C6: variants seen among roughly 807,000 people sequenced by gnomAD.
The protein encoded by C6 is complement C6, also known as complement component C6.
In C6, 101 loss-of-function variants were observed where a neutral mutation model predicts 112.9. The observed-to-expected ratio is 0.89, with a 90% CI of 0.76 to 1.06. The LOEUF is 1.06. Ranked by LOEUF, C6 falls within the 50% of genes least tolerant of loss-of-function variation. The pLI, the probability that C6 is intolerant of heterozygous loss-of-function variation, is 0.00. For synonymous variants in C6, 431 were observed against 384.1 expected, an observed-to-expected ratio of 1.12 and a Z score of -1.43; for missense variants, 1,202 against 1,104.6, an observed-to-expected ratio of 1.09 and a Z score of -1.25.
chr5:41,162,588 A>T (rs1341334432), intron 9 of C6, among the ~76,000 whole-genome samples: 5 of 152,194 alleles, frequency 3.3e-5, no homozygotes, highest in Non-Finnish European at 7.3e-5. Flanking sequence ...ACTAACAGGG[A>T]TAGAGACTGA....
chr5:41,193,672 C>A (rs555778145), intron 5 of C6, among the ~76,000 whole-genome samples: 6 of 151,926 alleles, frequency 3.9e-5, no homozygotes, highest in Non-Finnish European at 8.8e-5. Flanking sequence ...GCTATTATTG[C>A]CTGATTCTTG....
At chr5:41,259,428 T>C (rs1264817258) in intron 1 of C6, among the ~76,000 whole-genome samples, 1 of 152,072 alleles carries the variant, frequency 6.6e-6, no homozygotes, top group African/African-American at 2.4e-5. Context: ...TTGACAAATG[T>C]TAATTTCAAT....
upstream of C6, among the ~76,000 whole-genome samples, chr5:41,214,173 A>G (rs987255834): frequency 2.0e-5 from 3 of 152,228 alleles, no homozygotes; most frequent in Non-Finnish European, 4.4e-5. Context: ...TACATATTCT[A>G]GTCTTGTTTC....
chr5:41,220,872 A>G (rs1346296475), intron 1 of C6, among the ~76,000 whole-genome samples: 1 of 152,046 alleles, frequency 6.6e-6, no homozygotes, highest in Non-Finnish European at 1.5e-5. Flanking sequence ...CCCTGACCCA[A>G]TAGGCCCCAA....
At chr5:41,186,845 G>A (rs899728658) in intron 5 of C6, among the ~76,000 whole-genome samples, 4 of 151,996 alleles carry the variant, frequency 2.6e-5, no homozygotes, top group Admixed American at 2.0e-4. Context: ...TTTTACAAAT[G>A]AGGACATTGA....
chr5:41,161,727 G>T lies in C6; in HGVS notation c.1424C>A (p.Ser475Ter). 1 of 1,613,496 alleles carries T rather than the reference G, an allele frequency of 6.2e-7. No homozygotes were observed. Among genetic ancestry groups the T allele is most frequent in the South Asian group, 1.1e-5 (1 of 91,064 alleles). Residue 475 changes from serine (S) to a stop codon, truncating the protein, a stop_gained, in exon 10 of 18, where the codon TCA (serine) becomes TAA (stop). Transcript: ENST00000337836. LOFTEE classifies it high-confidence loss of function. ...EEKTFSEWLESVKENPAVIDF... is the reference protein window; with the variant it reads ...EEKTFSEWLE ...AATCACAGCAGGATTTTCCTTCACT[G>T]ATTCTAACCACTCAGAAAATGTCTT...
At chr5:41,152,727 A>T (rs3792909) in intron 15 of C6, 57,694 of 151,994 alleles carry the variant, frequency 0.38, 11,125 homozygotes, top group Non-Finnish European at 0.42. Flanking sequence ...ATGGTTTACA[A>T]TGTGGTGATA....
At chr5:41,230,726 A>G (rs973184305) in intron 1 of C6, among the ~76,000 whole-genome samples, 3 of 152,086 alleles carry the variant, frequency 2.0e-5, no homozygotes, top group African/African-American at 4.8e-5. Flanking sequence ...AATCCCTAAT[A>G]AAAACGTGCT....
intron 1 of C6, among the ~76,000 whole-genome samples, chr5:41,207,717 G>A (rs185933292): frequency 4.6e-5 from 7 of 151,920 alleles, no homozygotes; most frequent in African/African-American, 1.7e-4. Context: ...GGAGCACTCA[G>A]ATTCATAAAG....
intron 1 of C6, among the ~76,000 whole-genome samples, chr5:41,243,619 G>A (rs111762810): frequency 0.01 from 1,529 of 152,086 alleles, 33 homozygotes; most frequent in African/African-American, 0.035. Flanking sequence ...TATATCCTTC[G>A]CAGAGTGTGG....
intron 1 of C6, among the ~76,000 whole-genome samples, chr5:41,249,839 G>C (rs1025470574): frequency 9.2e-5 from 14 of 152,128 alleles, no homozygotes; most frequent in African/African-American, 3.4e-4. Flanking sequence ...ACTATGGACA[G>C]AATGACTAAC....
chr5:41,169,756 C>T (rs75842992), intron 9 of C6, among the ~76,000 whole-genome samples: 4,118 of 152,154 alleles, frequency 0.027, 74 homozygotes, highest in Middle Eastern at 0.051. Context: ...CTCACTATCA[C>T]GAGAACAGCA....
intron 5 of C6, among the ~76,000 whole-genome samples, chr5:41,193,405 T>A (rs1750366099): frequency 6.6e-6 from 1 of 152,252 alleles, no homozygotes; most frequent in African/African-American, 2.4e-5. Context: ...TTAAAATAAT[T>A]TAGTGTTTCA....
Position 41,154,271 on chromosome 5 carries a change from C to A in C6, c.2102-273G>T, listed in dbSNP as rs569616744. On this transcript the variant is annotated intron_variant, in intron 14 of 17. Coordinates refer to ENST00000337836, the MANE Select transcript of C6 (RefSeq NM_000065.5). ...CCAACTTTTATGAAATCATTGGGAC[C>A]TTTTCCTTTCAAGAAACACTTTCTT... is the stretch of plus-strand genomic sequence containing the variant. Among the ~76,000 whole-genome samples the A allele has an allele frequency of 2.0e-5, 3 of 152,314 alleles. No homozygotes were observed. In the East Asian group the frequency reaches 5.8e-4, roughly 29 times the overall value.
intron 5 of C6, among the ~76,000 whole-genome samples, chr5:41,193,991 G>A (rs73753124): frequency 1.3e-5 from 2 of 152,096 alleles, no homozygotes; most frequent in Admixed American, 6.5e-5. Context: ...TGGGACAACA[G>A]CTCTGGTTGG....
intron 1 of C6, among the ~76,000 whole-genome samples, chr5:41,211,453 A>C (rs1751920848): frequency 6.6e-6 from 1 of 151,964 alleles, no homozygotes; most frequent in African/African-American, 2.4e-5. Flanking sequence ...TCGGTAAGTA[A>C]CTCGCCTTTC....
intron 9 of C6, among the ~76,000 whole-genome samples, chr5:41,166,664 T>C (rs1271030563): frequency 6.6e-6 from 1 of 152,000 alleles, no homozygotes; most frequent in Admixed American, 6.6e-5. Context: ...AAAGTAAACA[T>C]AATACAGTGT....
intron 1 of C6, among the ~76,000 whole-genome samples, chr5:41,254,322 C>T (rs966117405): frequency 5.3e-5 from 8 of 152,076 alleles, no homozygotes; most frequent in Admixed American, 2.6e-4. Context: ...AGGAGAATGG[C>T]GTGAACCCAG....
chr5:41,160,674 ATAGGTGACCAAGAGT>A (rs1747403112), intron 10 of C6, among the ~76,000 whole-genome samples: 1 of 152,174 alleles, frequency 6.6e-6, no homozygotes, highest in African/African-American at 2.4e-5. Flanking sequence ...AAGCACTGAG[ATAGGTGACCAAGAGT>A]TAGGCAACTC....
Sources: allele counts gnomAD v4.1 joint callset (sites outside exome capture counted in the v4.1 genomes callset), GRCh38; gene constraint gnomAD v4.1.1; transcripts MANE v1.5; gene names NCBI Gene and HGNC (gene_info 2026-07-23, HGNC 2026-07-21).